The following ENKUR variants were observed in gnomAD, a reference collection of about 807,000 sequenced individuals.
ENKUR encodes enkurin.
In ENKUR, 19 loss-of-function variants were observed where a neutral mutation model predicts 27.6. The ratio of observed to expected loss-of-function variants is 0.69; its 90% CI spans 0.48 to 1.01. ENKUR has a LOEUF of 1.01. ENKUR is among the 50% of genes least tolerant of loss of function. ENKUR has a pLI of 0.00. For missense variants in ENKUR, 312 were observed against 310.5 expected, an observed-to-expected ratio of 1.00 and a Z score of -0.04; for synonymous variants, 117 against 96.9, an observed-to-expected ratio of 1.21 and a Z score of -1.22.
intron 2 of ENKUR, chr10:25,023,429 C>G: frequency 6.2e-7 from 1 of 1,614,060 alleles, no homozygotes; most frequent in Non-Finnish European, 8.5e-7. Context: ...GCTGGGAAAA[C>G]AACAGTAGGC....
Position 25,015,889 on chromosome 10 carries a change from A to C in ENKUR, c.48T>G (p.Ser16Arg). 1.2e-6 allele frequency: 2 copies of C among 1,606,206 alleles called. No individual in the cohort carries two copies. Among genetic ancestry groups the C allele is most frequent in the Non-Finnish European group, 1.7e-6 (2 of 1,176,116 alleles). Residue 16 changes from serine (S) to arginine (R), a missense_variant, in exon 1 of 6, where the codon AGT (serine) becomes AGG (arginine). Ser to Arg is a moderately radical substitution (Grantham distance 110, BLOSUM62 -1). Coordinates refer to ENST00000331161, the MANE Select transcript of ENKUR (RefSeq NM_145010.4). ...GAGGCTGGGGAGGCTCCTTCAAGTC[A>C]CTGGGTATGAGGTTATAAATGCACT... ...SSECIYNLIP[S>R]DLKEPPQPPR...
At chr10:25,017,910 T>G, upstream of ENKUR, among the ~76,000 whole-genome samples, 1 of 152,208 alleles carries the variant, frequency 6.6e-6, no homozygotes, top group African/African-American at 2.4e-5. Flanking sequence ...GATAACGCCA[T>G]TAGCCAAGTG....
At chr10:25,024,146 C>A (rs752725022) in intron 2 of ENKUR, 1 of 1,614,116 alleles carries the variant, frequency 6.2e-7, no homozygotes, top group East Asian at 2.2e-5. Flanking sequence ...ATACCTGCTG[C>A]CAGGTTGGGA....
chr10:25,021,182 G>A (rs1029389352), intron 2 of ENKUR, among the ~76,000 whole-genome samples: 1 of 152,148 alleles, frequency 6.6e-6, no homozygotes, highest in African/African-American at 2.4e-5. Context: ...CACTGTCAGT[G>A]AGTGACAATG....
chr10:25,036,294 G>T (rs548392606), intron 2 of ENKUR, among the ~76,000 whole-genome samples: 64 of 152,226 alleles, frequency 4.2e-4, no homozygotes, highest in Non-Finnish European at 8.5e-4. Context: ...AACCCATTTT[G>T]CTTGGTCCTC....
At chr10:24,996,859 C>T (rs1391835264) in intron 2 of ENKUR, among the ~76,000 whole-genome samples, 1 of 152,120 alleles carries the variant, frequency 6.6e-6, no homozygotes, top group African/African-American at 2.4e-5. Flanking sequence ...CCCAGTATCT[C>T]AGAATATAAC....
At chr10:25,017,684 C>G (rs768383502), upstream of ENKUR, among the ~76,000 whole-genome samples, 1 of 150,610 alleles carries the variant, frequency 6.6e-6, no homozygotes, top group Non-Finnish European at 1.5e-5. Context: ...GGAAAATTCT[C>G]CAGATTTCTT....
chr10:25,038,589 T>C (rs2130467292), intron 2 of ENKUR, among the ~76,000 whole-genome samples: 1 of 152,334 alleles, frequency 6.6e-6, no homozygotes, highest in South Asian at 2.1e-4. Flanking sequence ...ATTATTCTTA[T>C]GAGTGCTGTT....
At chr10:25,025,113 C>T in intron 2 of ENKUR, 3 of 1,614,144 alleles carry the variant, frequency 1.9e-6, no homozygotes, top group Non-Finnish European at 2.5e-6. Flanking sequence ...CTATTAACTC[C>T]ACCTATAATA....
At chr10:24,992,452 T>C (rs1258863674) in intron 3 of ENKUR, among the ~76,000 whole-genome samples, 1 of 152,178 alleles carries the variant, frequency 6.6e-6, no homozygotes, top group Non-Finnish European at 1.5e-5. Context: ...AGGACAACAC[T>C]TTCCTGTGTT....
intron 2 of ENKUR, among the ~76,000 whole-genome samples, chr10:25,048,629 C>A (rs985752553): frequency 2.0e-5 from 3 of 152,102 alleles, no homozygotes; most frequent in South Asian, 4.1e-4. Context: ...TGGCCCAAAT[C>A]AACAGCCAAA....
Position 25,016,147 on chromosome 10 carries a change from G to C in ENKUR, c.-211C>G. ...CCTATTTCTCTCCGGATTGCTAAGC[G>C]TCGTTGACTGTGCGGTTGCCGTGGA... On this transcript the variant is annotated 5_prime_UTR_variant, in exon 1 of 6. Coordinates refer to ENST00000331161, the MANE Select transcript of ENKUR (RefSeq NM_145010.4). 1.6e-6 allele frequency: 2 copies of C among 1,221,056 alleles called. No homozygotes were observed. The highest frequency in any genetic ancestry group is 2.0e-6 in the Non-Finnish European group (2 of 979,032). 75.6% of individuals were successfully genotyped at this position (1,221,056 alleles called of 1,614,324 possible). A position where few individuals can be genotyped will look rare whatever the true frequency, so the allele number is the denominator to read the frequency against.
intron 1 of ENKUR, among the ~76,000 whole-genome samples, chr10:25,012,955 C>T (rs1654751139): frequency 6.6e-6 from 1 of 152,124 alleles, no homozygotes; most frequent in Non-Finnish European, 1.5e-5. Context: ...TCCCATATGT[C>T]ATGGGAGGGA....
At chr10:25,006,132 A>T (rs1850308866) in intron 1 of ENKUR, among the ~76,000 whole-genome samples, 1 of 152,172 alleles carries the variant, frequency 6.6e-6, no homozygotes, top group African/African-American at 2.4e-5. Context: ...TAGCAGGAAA[A>T]TCTATCCTTG....
upstream of ENKUR, among the ~76,000 whole-genome samples, chr10:25,020,264 A>G (rs532437877): frequency 1.5e-5 from 2 of 137,440 alleles, no homozygotes; most frequent in East Asian, 5.3e-4. Context: ...ATCTATATCT[A>G]TATCTATATC....
upstream of ENKUR, among the ~76,000 whole-genome samples, chr10:25,018,669 T>G (rs373246383): frequency 1.6e-4 from 24 of 150,698 alleles, no homozygotes; most frequent in African/African-American, 3.2e-4. Context: ...GTTTTTTTTT[T>G]TTTTTTTTTT....
At chr10:25,020,565 G>A (rs368371568), upstream of ENKUR, among the ~76,000 whole-genome samples, 3 of 151,896 alleles carry the variant, frequency 2.0e-5, no homozygotes, top group East Asian at 1.9e-4. Flanking sequence ...TCAGGAGTTC[G>A]AGATCAGTCT....
chr10:25,060,817 C>T (rs897038974), intron 2 of ENKUR, among the ~76,000 whole-genome samples: 1 of 152,178 alleles, frequency 6.6e-6, no homozygotes, highest in Non-Finnish European at 1.5e-5. Context: ...AAGTGATCCT[C>T]CTGCCTCAGC....
intron 2 of ENKUR, among the ~76,000 whole-genome samples, chr10:25,039,943 A>G (rs1851043942): frequency 6.6e-6 from 1 of 151,732 alleles, no homozygotes; most frequent in African/African-American, 2.4e-5. Context: ...GTATTAAAAA[A>G]AAAAAAAAAA....
Sources: gnomAD v4.1 joint callset for allele counts (sites outside exome capture counted in the v4.1 genomes callset) on GRCh38, gnomAD v4.1.1 for gene constraint, MANE v1.5 for transcripts, NCBI Gene and HGNC (gene_info 2026-07-23, HGNC 2026-07-21) for gene names.